The following CFAP54 variants were observed in gnomAD, a reference collection of about 807,000 sequenced individuals.
The protein encoded by CFAP54 is cilia and flagella associated protein 54.
A neutral mutation model predicts 370.4 loss-of-function variants in CFAP54; 290 were observed. That is an observed-to-expected ratio of 0.78 (90% CI 0.71 to 0.86). The LOEUF is 0.86. CFAP54 is among the 40% of genes least tolerant of loss of function. The pLI is 0.00. For missense variants in CFAP54, 3,399 were observed against 3,528.7 expected, an observed-to-expected ratio of 0.96 and a Z score of 0.93; for synonymous variants, 1,206 against 1,236.5, an observed-to-expected ratio of 0.98 and a Z score of 0.52.
intron 65 of CFAP54, among the ~76,000 whole-genome samples, chr12:96,825,666 T>TG (rs1402896365): frequency 4.9e-5 from 6 of 122,362 alleles, no homozygotes; most frequent in African/African-American, 2.0e-4. Context: ...TATCATGCTA[T>TG]AATATATTAT....
chr12:96,682,219 A>T (rs765572844), intron 40 of CFAP54: 2 of 985,596 alleles, frequency 2.0e-6, no homozygotes, highest in Non-Finnish European at 2.4e-6. Context: ...GGAGATGCAT[A>T]TGTCAATACC....
chr12:96,631,606 AT>A (rs1180727818), intron 32 of CFAP54, among the ~76,000 whole-genome samples: 1 of 150,778 alleles, frequency 6.6e-6, no homozygotes, highest in Non-Finnish European at 1.5e-5. Flanking sequence ...AATAAATTAT[AT>A]AATAGTGTAA....
chr12:96,865,230 C>T (rs1356241913), intron 67 of CFAP54, among the ~76,000 whole-genome samples: 1 of 152,090 alleles, frequency 6.6e-6, no homozygotes, highest in Non-Finnish European at 1.5e-5. Context: ...GTGGCATAGT[C>T]ATACAAGAGA....
chr12:96,789,545 T>G (rs1298761185), intron 62 of CFAP54, among the ~76,000 whole-genome samples: 1 of 152,186 alleles, frequency 6.6e-6, no homozygotes, highest in Non-Finnish European at 1.5e-5. Flanking sequence ...GTGAATATTA[T>G]GTAAGAGTTT....
chr12:96,682,873 C>G (rs776956938), intron 40 of CFAP54, among the ~76,000 whole-genome samples: 1 of 152,146 alleles, frequency 6.6e-6, no homozygotes, highest in Admixed American at 6.6e-5. Flanking sequence ...TCTAGGCCAC[C>G]CTTCTCTTTA....
chr12:96,734,554 T>C (rs1484356306), intron 50 of CFAP54, among the ~76,000 whole-genome samples: 1 of 152,230 alleles, frequency 6.6e-6, no homozygotes, highest in African/African-American at 2.4e-5. Context: ...AAGTTTGCAC[T>C]GTTATTATCA....
intron 55 of CFAP54, among the ~76,000 whole-genome samples, chr12:96,746,169 C>T (rs1958112443): frequency 6.6e-6 from 1 of 152,130 alleles, no homozygotes; most frequent in Non-Finnish European, 1.5e-5. Context: ...TGTTTTCTAC[C>T]TTCCTTACTC....
At chr12:96,505,220 T>C (rs2136351935) in intron 3 of CFAP54, among the ~76,000 whole-genome samples, 1 of 151,926 alleles carries the variant, frequency 6.6e-6, no homozygotes, top group Non-Finnish European at 1.5e-5. Flanking sequence ...CATACCACCA[T>C]GCCCGGCTAA....
chr12:96,679,438 A>C (rs1245425076), intron 39 of CFAP54, among the ~76,000 whole-genome samples, 162 bp from the exon 40 acceptor site: 2 of 152,060 alleles, frequency 1.3e-5, no homozygotes, highest in Non-Finnish European at 2.9e-5. Context: ...AAGAAAAAAA[A>C]AATTGATCTG....
At chr12:96,603,777 AG>A (rs1956270196) in intron 26 of CFAP54, among the ~76,000 whole-genome samples, 1 of 152,092 alleles carries the variant, frequency 6.6e-6, no homozygotes, top group Non-Finnish European at 1.5e-5. Flanking sequence ...TGCTTCACAC[AG>A]TTCTTGTACT....
chr12:96,692,136 C>G lies in CFAP54; in HGVS notation c.6264+826C>G, dbSNP rs560927410. On this transcript the variant is annotated intron_variant, in intron 44 of 67. Transcript: ENST00000524981. The stretch of plus-strand genomic sequence containing the variant: ...TATTTGTTCTTCTGAATTCAACTCT[C>G]TCTTTATACTGAAAATATTTATTGC... Among the ~76,000 whole-genome samples the G allele has an allele frequency of 4.1e-4, 62 of 151,996 alleles. No homozygotes were observed. The East Asian group carries it at 8.5e-3, about 21-fold the overall frequency.
intron 36 of CFAP54, among the ~76,000 whole-genome samples, chr12:96,652,228 T>G: frequency 6.6e-6 from 1 of 152,198 alleles, no homozygotes; most frequent in East Asian, 1.9e-4. Context: ...TTTACAGCCA[T>G]TTAAAATTTA....
At chr12:96,617,132 A>G (rs1956427916) in intron 26 of CFAP54, among the ~76,000 whole-genome samples, 1 of 152,214 alleles carries the variant, frequency 6.6e-6, no homozygotes, top group South Asian at 2.1e-4. Context: ...ATATAACACT[A>G]CTCATTGAAC....
rs200239691 is a variant in CFAP54 at position 96,765,040 on chromosome 12, CTTATAT to C, written c.8140-31_8140-26del. On this transcript the variant is annotated intron_variant, in intron 59 of 67. Transcript: ENST00000524981. The stretch of plus-strand genomic sequence containing the variant: ...AATAGATAATCTATGAATTAGAAAG[CTTATAT>C]TTATAATTCTAATTTATGCATTAAT... The C allele has an allele frequency of 3.0e-3, 4,033 of 1,336,902 alleles. 113 individuals are homozygous for C. In the African/African-American group the frequency reaches 0.053, roughly 18 times the overall value. 82.8% of individuals were successfully genotyped at this position (1,336,902 alleles called of 1,614,324 possible).
At chr12:96,769,655 T>C (rs929503831) in intron 60 of CFAP54, among the ~76,000 whole-genome samples, 1 of 152,206 alleles carries the variant, frequency 6.6e-6, no homozygotes, top group African/African-American at 2.4e-5. Context: ...AGTGTCAACA[T>C]GGCAATTATA....
At chr12:96,631,725 ATATATAT>A (rs1200835690) in intron 32 of CFAP54, among the ~76,000 whole-genome samples, 11 of 149,004 alleles carry the variant, frequency 7.4e-5, no homozygotes, top group African/African-American at 2.7e-4. Context: ...ATATCATATA[ATATATAT>A]TATATATTGT....
At chr12:96,722,306 AC>A (rs1957766073) in intron 50 of CFAP54, among the ~76,000 whole-genome samples, 1 of 152,178 alleles carries the variant, frequency 6.6e-6, no homozygotes, top group African/African-American at 2.4e-5. Context: ...TGACATCTGA[AC>A]CACATTTTGG....
chr12:96,607,881 A>G (rs1289211454), intron 26 of CFAP54, among the ~76,000 whole-genome samples: 1 of 152,148 alleles, frequency 6.6e-6, no homozygotes, highest in African/African-American at 2.4e-5. Flanking sequence ...ACCGAGGTCC[A>G]AAAATTAATA....
chr12:96,797,037 C>T (rs1958770703), intron 63 of CFAP54, among the ~76,000 whole-genome samples: 3 of 152,118 alleles, frequency 2.0e-5, no homozygotes, highest in Admixed American at 2.0e-4. Context: ...ACATCATCAT[C>T]AATCAGTTAA....
Sources: gnomAD v4.1 joint callset for allele counts (sites outside exome capture counted in the v4.1 genomes callset) on GRCh38, gnomAD v4.1.1 for gene constraint, MANE v1.5 for transcripts, NCBI Gene and HGNC (gene_info 2026-07-23, HGNC 2026-07-21) for gene names.